Variants in CEP55 observed in about 807,000 individuals in gnomAD.
CEP55 encodes centrosomal protein 55.
CEP55 carries 57 observed loss-of-function variants against 63.2 expected under a neutral mutation model. The observed-to-expected ratio is 0.90, with a 90% CI of 0.73 to 1.13. The LOEUF is 1.13. Among genes scored for constraint, CEP55 ranks in the 50% most tolerant of loss-of-function variants. The pLI is 0.00. For synonymous variants in CEP55, 178 were observed against 191.6 expected (o/e 0.93, Z 0.59); for missense variants, 456 against 518.9 (o/e 0.88, Z 1.18).
intron 3 of CEP55, among the ~76,000 whole-genome samples, chr10:93,504,472 C>CA (rs113435584): frequency 0.26 from 38,047 of 145,932 alleles, 5,099 homozygotes; most frequent in African/African-American, 0.36. Context: ...GCCTCTGTCT[C>CA]AAAAAAAAAA....
intron 2 of CEP55, among the ~76,000 whole-genome samples, chr10:93,500,778 A>G (rs994313045): frequency 7.0e-6 from 1 of 142,914 alleles, no homozygotes; most frequent in Non-Finnish European, 1.5e-5. Flanking sequence ...TTTTTTTTTG[A>G]GACTGGGTCT....
intron 2 of CEP55, among the ~76,000 whole-genome samples, chr10:93,501,530 G>A (rs966130109): frequency 6.6e-6 from 1 of 152,088 alleles, no homozygotes; most frequent in African/African-American, 2.4e-5. Context: ...TTAGCCGGAT[G>A]TGTTGGTGTG....
Position 93,503,162 on chromosome 10 carries a change from C to T in CEP55, c.233C>T (p.Thr78Ile). 1.2e-6 allele frequency: 2 copies of T among 1,613,966 alleles called. No homozygotes were observed. The highest frequency in any genetic ancestry group is 2.2e-5 in the South Asian group (2 of 91,066). The change falls in exon 3 of 9, where the codon ACA (threonine) becomes ATA (isoleucine). Residue 78 changes from threonine to isoleucine, a missense_variant. Thr to Ile is a moderately conservative substitution (Grantham distance 89, BLOSUM62 -1). Coordinates refer to ENST00000371485, the MANE Select transcript of CEP55 (RefSeq NM_018131.5). ...AEKEKNAYQL[T>I]EKDKEIQRLR... ...AAGGAGAAGAATGCTTATCAACTCA[C>T]AGAGAAGGACAAAGAAATACAGCGA...
At chr10:93,502,639 AAGC>A (rs745500555) in intron 2 of CEP55, among the ~76,000 whole-genome samples, 8 of 152,248 alleles carry the variant, frequency 5.3e-5, no homozygotes, top group Non-Finnish European at 1.0e-4. Flanking sequence ...TATCGAAAGT[AAGC>A]AGGTTAATGA....
chr10:93,515,321 G>A, intron 4 of CEP55, 84 bp from the exon 5 acceptor site: 2 of 1,284,890 alleles, frequency 1.6e-6, no homozygotes. Flanking sequence ...TGTTGGAAAA[G>A]ACTACATCAC....
intron 8 of CEP55, among the ~76,000 whole-genome samples, chr10:93,523,438 G>A (rs2134499267): frequency 6.6e-6 from 1 of 152,212 alleles, no homozygotes; most frequent in East Asian, 1.9e-4. Context: ...GATTCATAAA[G>A]CAAGTCCTTA....
intron 4 of CEP55, among the ~76,000 whole-genome samples, 180 bp downstream of exon 4, chr10:93,507,236 T>C (rs2057698473): frequency 6.6e-6 from 1 of 151,486 alleles, no homozygotes; most frequent in African/African-American, 2.4e-5. Flanking sequence ...TTTTTTTTTT[T>C]TTTTTCCTGA....
Position 93,510,189 on chromosome 10 carries a change from G to T in CEP55, c.528+3133G>T, listed in dbSNP as rs186566959. Among the ~76,000 whole-genome samples, 120 of 152,252 alleles carry T rather than the reference G, an allele frequency of 7.9e-4. 1 individual carries two copies. Among genetic ancestry groups the T allele is most frequent in the African/African-American group, 2.8e-3 (116 of 41,560 alleles). On this transcript the variant is annotated intron_variant, in intron 4 of 8. Transcript: ENST00000371485. Reference sequence around the variant, plus strand: ...GCATTGTCAAATGTCAGTACTTTTAGTATTTATTTAAGCATTATGTTAGTA... The same window carrying T: ...GCATTGTCAAATGTCAGTACTTTTATTATTTATTTAAGCATTATGTTAGTA...
At chr10:93,517,340 A>T (rs1223541885) in intron 6 of CEP55, 92 bp downstream of exon 6, 2 of 974,946 alleles carry the variant, frequency 2.1e-6, no homozygotes, top group African/African-American at 3.3e-5. Context: ...GGCTAGGGAC[A>T]AAACAAATTC....
At position 93,507,039 on chromosome 10, in the gene CEP55, G is replaced by GA. The variant is rs1169095680; in HGVS notation, c.514dup (p.Ile172AsnfsTer17). The GA allele has an allele frequency of 1.3e-6, 2 of 1,570,166 alleles. No individual in the cohort carries two copies. Among genetic ancestry groups the GA allele is most frequent in the Non-Finnish European group, 1.8e-6 (2 of 1,141,284 alleles). On this transcript the variant is annotated frameshift_variant, in exon 4 of 9. Coordinates refer to ENST00000371485, the MANE Select transcript of CEP55 (RefSeq NM_018131.5). LOFTEE classifies it high-confidence loss of function. ...ATCAATAAATAATATTCATGAAATGGAAATACAGCTGAAAGATGTAAGTTC... is the reference window on the plus strand; with the variant it reads ...ATCAATAAATAATATTCATGAAATGGAAAATACAGCTGAAAGATGTAAGTTC...
chr10:93,512,329 A>C (rs2057760975), intron 4 of CEP55, among the ~76,000 whole-genome samples: 1 of 151,636 alleles, frequency 6.6e-6, no homozygotes, highest in South Asian at 2.1e-4. Flanking sequence ...GTTGAGACCA[A>C]CATGGTGAAA....
At chr10:93,519,926 T>C in intron 8 of CEP55, 119 bp downstream of exon 8, 5 of 1,097,616 alleles carry the variant, frequency 4.6e-6, no homozygotes, top group Non-Finnish European at 6.8e-6. Context: ...AATCAGTAGG[T>C]AGAGCCTCTG....
chr10:93,498,156 A>G (rs2057593666), intron 1 of CEP55, among the ~76,000 whole-genome samples: 2 of 150,008 alleles, frequency 1.3e-5, no homozygotes, highest in Non-Finnish European at 3.0e-5. Flanking sequence ...AAAAAAAAGA[A>G]AGAAACAGAA....
At chr10:93,522,250 A>G (rs2057872393) in intron 8 of CEP55, among the ~76,000 whole-genome samples, 1 of 152,268 alleles carries the variant, frequency 6.6e-6, no homozygotes, top group Non-Finnish European at 1.5e-5. Context: ...AAAGGACCAG[A>G]TGGAGCTGAA....
chr10:93,515,879 C>T (rs2057798859), intron 5 of CEP55, among the ~76,000 whole-genome samples: 1 of 152,302 alleles, frequency 6.6e-6, no homozygotes. Context: ...TCACAATTCT[C>T]TTTTCACTTT....
At chr10:93,506,601 T>G (rs1332737075) in intron 3 of CEP55, among the ~76,000 whole-genome samples, 1 of 152,282 alleles carries the variant, frequency 6.6e-6, no homozygotes, top group African/African-American at 2.4e-5. Context: ...AGAGTCTCAC[T>G]CTATTGCTCA....
In CEP55 at chr10:93,518,851, G is replaced by A. The variant is rs150244742; in HGVS notation, c.994-26G>A. On this transcript the variant is annotated intron_variant, in intron 6 of 8. Coordinates refer to ENST00000371485, the MANE Select transcript of CEP55 (RefSeq NM_018131.5). ...AAGCCGGAAAAGGTTGGATGTGACA[G>A]CATTGGTTCTCTTTATGTCCTACAG... 195 of 1,543,644 alleles carry A rather than the reference G, an allele frequency of 1.3e-4. 1 individual carries two copies. The African/African-American group carries it at 2.2e-3, about 17-fold the overall frequency.
At chr10:93,497,427 G>T (rs906279199) in intron 1 of CEP55, among the ~76,000 whole-genome samples, 15 of 152,046 alleles carry the variant, frequency 9.9e-5, no homozygotes, top group African/African-American at 3.6e-4. Flanking sequence ...CACCACGCCC[G>T]GTTAATTTTT....
At position 93,528,100 on chromosome 10, in the gene CEP55, C is replaced by T. The variant is rs2057943167; in HGVS notation, c.1342C>T (p.Pro448Ser). ...ATGTCCCAAGTGCAATATACAGTATCCAGCCACTGAGCATCGCGATCTGCT... is the reference window on the plus strand; with the variant it reads ...ATGTCCCAAGTGCAATATACAGTATTCAGCCACTGAGCATCGCGATCTGCT... ...VECPKCNIQY[P>S]ATEHRDLLVH... is the part of the protein sequence containing the mutation. Residue 448 changes from proline (P) to serine (S), a missense_variant, in exon 9 of 9, where the codon CCA (proline) becomes TCA (serine). Coordinates refer to ENST00000371485, the MANE Select transcript of CEP55 (RefSeq NM_018131.5). 6.2e-7 allele frequency: 1 copy of T among 1,613,914 alleles called. No homozygotes were observed. The highest frequency in any genetic ancestry group is 1.7e-5 in the Admixed American group (1 of 59,958).
Sources: allele counts gnomAD v4.1 joint callset (sites outside exome capture counted in the v4.1 genomes callset), GRCh38; gene constraint gnomAD v4.1.1; transcripts MANE v1.5; gene names NCBI Gene and HGNC (gene_info 2026-07-23, HGNC 2026-07-21).